GFRA3: variants seen among roughly 807,000 people sequenced by gnomAD.
GFRA3 encodes the protein GDNF family receptor alpha 3, also known as GDNF family receptor alpha-3.
A neutral mutation model predicts 40.0 loss-of-function variants in GFRA3; 24 were observed. That is an observed-to-expected ratio of 0.60 (90% CI 0.43 to 0.84). The LOEUF is 0.84. Among genes scored for constraint, GFRA3 ranks in the 40% least tolerant of loss-of-function variants. The pLI is 0.00. For missense variants in GFRA3, 405 were observed against 530.6 expected, an observed-to-expected ratio of 0.76 and a Z score of 2.33; for synonymous variants, 203 against 213.5, an observed-to-expected ratio of 0.95 and a Z score of 0.43.
At chr5:138,272,642 C>CA (rs141935883) in intron 1 of GFRA3, among the ~76,000 whole-genome samples, 48,165 of 147,808 alleles carry the variant, frequency 0.33, 8,812 homozygotes, top group South Asian at 0.43. Flanking sequence ...TACCCTGTCT[C>CA]AAAAAAAAAA....
At chr5:138,265,294 G>A (rs898628258) in intron 1 of GFRA3, among the ~76,000 whole-genome samples, 1 of 131,284 alleles carries the variant, frequency 7.6e-6, no homozygotes. Context: ...TTGGCTCAAC[G>A]CAACCTCCGC....
chr5:138,254,070 G>A lies in GFRA3; in HGVS notation c.876C>T (p.Tyr292=), dbSNP rs979709856. The stretch of plus-strand genomic sequence containing the variant: ...CCCCAGCCTCACCAATCAGCCCCAG[G>A]TATGCTCGTAGACATCTGGACTGCT... ...ATEQSRCLRA[Y]LGLIGTAMTP... is the part of the protein sequence containing the mutation. The change falls in exon 5 of 8, where the codon TAC becomes TAT. Residue 292 remains tyrosine, a synonymous_variant. Coordinates refer to ENST00000274721, the MANE Select transcript of GFRA3 (RefSeq NM_001496.4). 6 of 1,608,588 alleles carry A rather than the reference G, an allele frequency of 3.7e-6. No individual in the cohort carries two copies. Among genetic ancestry groups the A allele is most frequent in the Non-Finnish European group, 5.1e-6 (6 of 1,175,126 alleles).
chr5:138,257,902 C>T lies in GFRA3; in HGVS notation c.522G>A (p.Lys174=). Residue 174 remains lysine, a synonymous_variant, in exon 4 of 8, where the codon AAG becomes AAA. Transcript: ENST00000274721. ...CGTAGGCCTTGCGCAGCCGGTCACACTTGTCATTGAGAGTACACAGCATGG... is the reference window on the plus strand; with the variant it reads ...CGTAGGCCTTGCGCAGCCGGTCACATTTGTCATTGAGAGTACACAGCATGG... The part of the protein sequence containing the change: ...KFAMLCTLND[K]CDRLRKAYGE... 3 of 1,614,124 alleles carry T rather than the reference C, an allele frequency of 1.9e-6. No individual in the cohort carries two copies. The South Asian group carries it at 3.3e-5, about 18-fold the overall frequency.
chr5:138,261,609 G>A (rs1755711042), intron 2 of GFRA3, among the ~76,000 whole-genome samples: 2 of 144,642 alleles, frequency 1.4e-5, no homozygotes, highest in South Asian at 2.2e-4. Context: ...CAGGAGAATC[G>A]CTTGAACCCG....
Position 138,252,738 on chromosome 5 carries a change from CA to C in GFRA3, c.*229del, listed in dbSNP as rs1283764614. 2 of 439,846 alleles carry C rather than the reference CA, an allele frequency of 4.5e-6. No homozygotes were observed. The highest frequency in any genetic ancestry group is 3.6e-5 in the Admixed American group (1 of 27,700). 27.2% of individuals were successfully genotyped at this position (439,846 alleles called of 1,614,324 possible). ...GGTGGAGCTGGTCACCACCAGATGA[CA>C]TGGCTAAATTGTGGCCACCAAGGAG... On this transcript the variant is annotated 3_prime_UTR_variant, in exon 8 of 8. Coordinates refer to ENST00000274721, the MANE Select transcript of GFRA3 (RefSeq NM_001496.4).
rs1274157093 is a variant in GFRA3, at chr5:138,252,625, A to G, written c.*343T>C. On this transcript the variant is annotated 3_prime_UTR_variant, in exon 8 of 8. Coordinates refer to ENST00000274721, the MANE Select transcript of GFRA3 (RefSeq NM_001496.4). ...AGAACACCCAGTCCTCCCTACCCTA[A>G]CCCTAATCTGGAATGCAATAGAGAA... The G allele has an allele frequency of 5.1e-6, 1 of 196,258 alleles. No homozygotes were observed. Among genetic ancestry groups the G allele is most frequent in the Non-Finnish European group, 1.0e-5 (1 of 95,330 alleles). The allele number at this position is 196,258 out of a possible 1,614,324, so 12.2% of individuals were successfully genotyped here.
At chr5:138,268,209 C>G (rs1051159975) in intron 1 of GFRA3, among the ~76,000 whole-genome samples, 3 of 138,774 alleles carry the variant, frequency 2.2e-5, no homozygotes, top group African/African-American at 8.0e-5. Context: ...CGCTTGAACC[C>G]AGGAGGCAGA....
intron 1 of GFRA3, 35 bp from the exon 2 acceptor site, chr5:138,264,583 A>G (rs750665452): frequency 7.0e-7 from 1 of 1,429,136 alleles, no homozygotes; most frequent in South Asian, 1.3e-5. Context: ...GCTACGTAAG[A>G]TTAGAATAGC....
In GFRA3 at chr5:138,272,130, C is replaced by T. The variant is rs140359723; in HGVS notation, c.91+2204G>A. On this transcript the variant is annotated intron_variant, in intron 1 of 7. Transcript: ENST00000274721. Reference sequence around the variant, plus strand: ...ACGCCATTCTCCTGCCTCAGCCTCCCGGGTAGTTGGGACTACAGGCGCCCA... The same window carrying T: ...ACGCCATTCTCCTGCCTCAGCCTCCTGGGTAGTTGGGACTACAGGCGCCCA... Among the ~76,000 whole-genome samples the T allele has an allele frequency of 6.9e-3, 1,036 of 151,094 alleles. 11 individuals are homozygous for T. Among genetic ancestry groups the T allele is most frequent in the African/African-American group, 0.023 (939 of 41,078 alleles).
chr5:138,263,894 C>T (rs1317292344), intron 2 of GFRA3, among the ~76,000 whole-genome samples: 1 of 152,140 alleles, frequency 6.6e-6, no homozygotes, highest in Non-Finnish European at 1.5e-5. Flanking sequence ...AAGATGTTAC[C>T]TCCCCATCTC....
intron 6 of GFRA3, 108 bp from the exon 7 acceptor site, chr5:138,253,483 A>G: frequency 1.3e-6 from 1 of 762,364 alleles, no homozygotes; most frequent in Non-Finnish European, 2.3e-6. Flanking sequence ...ATAGGGGAGC[A>G]AGTGGGTGGG....
chr5:138,262,137 T>C (rs1755719784), intron 2 of GFRA3, among the ~76,000 whole-genome samples: 1 of 151,534 alleles, frequency 6.6e-6, no homozygotes, highest in African/African-American at 2.4e-5. Flanking sequence ...ACTGTGACTA[T>C]TTGAGACTTA....
chr5:138,274,580 T>G lies in GFRA3; in HGVS notation c.-156A>C, dbSNP rs2126624172. The G allele has an allele frequency of 5.8e-6, 7 of 1,204,714 alleles. No homozygotes were observed. The East Asian group carries it at 1.7e-4, about 29-fold the overall frequency. The allele number at this position is 1,204,714 out of a possible 1,614,324, so 74.6% of individuals were successfully genotyped here. On this transcript the variant is annotated 5_prime_UTR_variant, in exon 1 of 8. Coordinates refer to ENST00000274721, the MANE Select transcript of GFRA3 (RefSeq NM_001496.4). Reference sequence around the variant, plus strand: ...AGGGTCCTGGGCGCCGCCCTCCAACTCCGAAGCGCGCGTCCACACCACGCG... The same window carrying G: ...AGGGTCCTGGGCGCCGCCCTCCAACGCCGAAGCGCGCGTCCACACCACGCG...
intron 2 of GFRA3, among the ~76,000 whole-genome samples, chr5:138,261,909 T>C (rs1200664646): frequency 6.6e-6 from 1 of 152,064 alleles, no homozygotes; most frequent in East Asian, 1.9e-4. Context: ...GTCCTGCCAG[T>C]TGGACAAATG....
At chr5:138,253,540 A>C (rs1329582980) in intron 6 of GFRA3, among the ~76,000 whole-genome samples, 165 bp from the exon 7 acceptor site, 2 of 152,132 alleles carry the variant, frequency 1.3e-5, no homozygotes, top group Non-Finnish European at 2.9e-5. Flanking sequence ...CTTGAGCTGG[A>C]GATGTCCCTG....
chr5:138,257,906 T>C lies in GFRA3; in HGVS notation c.518A>G (p.Asp173Gly). The C allele has an allele frequency of 6.2e-7, 1 of 1,614,058 alleles. No individual in the cohort carries two copies. The highest frequency in any genetic ancestry group is 8.5e-7 in the Non-Finnish European group (1 of 1,179,988). ...GGCCTTGCGCAGCCGGTCACACTTG[T>C]CATTGAGAGTACACAGCATGGCAAA... ...LKFAMLCTLN[D>G]KCDRLRKAYG... The change falls in exon 4 of 8, where the codon GAC (aspartate) becomes GGC (glycine). Residue 173 changes from aspartate to glycine, a missense_variant. Asp to Gly is a moderately conservative substitution (Grantham distance 94, BLOSUM62 -1). Transcript: ENST00000274721.
At chr5:138,266,714 G>A (rs1755790398) in intron 1 of GFRA3, among the ~76,000 whole-genome samples, 1 of 150,834 alleles carries the variant, frequency 6.6e-6, no homozygotes, top group Admixed American at 6.6e-5. Flanking sequence ...TTGAGTCAGA[G>A]TCAGGCTGGA....
intron 4 of GFRA3, among the ~76,000 whole-genome samples, chr5:138,256,290 A>T (rs1265473563): frequency 3.3e-5 from 5 of 151,490 alleles, no homozygotes; most frequent in Middle Eastern, 3.4e-3. Flanking sequence ...GCACTTTGGG[A>T]GGCTGAGGCG....
intron 1 of GFRA3, among the ~76,000 whole-genome samples, chr5:138,269,570 G>A (rs1755837136): frequency 6.7e-6 from 1 of 149,222 alleles, no homozygotes; most frequent in South Asian, 2.1e-4. Flanking sequence ...CAAGCCAGAC[G>A]CAGTGGCTCA....
Sources: gnomAD v4.1 joint callset for allele counts (sites outside exome capture counted in the v4.1 genomes callset) on GRCh38, gnomAD v4.1.1 for gene constraint, MANE v1.5 for transcripts, NCBI Gene and HGNC (gene_info 2026-07-23, HGNC 2026-07-21) for gene names.